The following LRRC1 variants were observed in gnomAD, a reference collection of about 807,000 sequenced individuals.
LRRC1 encodes the protein leucine rich repeat containing 1.
LRRC1 carries 28 observed loss-of-function variants against 69.9 expected under a neutral mutation model. The observed-to-expected ratio is 0.40, with a 90% CI of 0.30 to 0.55. The LOEUF is 0.55. Ranked by LOEUF, LRRC1 falls within the 20% of genes least tolerant of loss-of-function variation. The probability of loss-of-function intolerance (pLI) is 0.47; values close to 1 mark genes in which losing one functional copy is unlikely to be tolerated. For missense variants in LRRC1, 498 were observed against 609.0 expected, an observed-to-expected ratio of 0.82 and a Z score of 1.92; for synonymous variants, 236 against 240.2, an observed-to-expected ratio of 0.98 and a Z score of 0.16.
At chr6:53,831,193 T>A (rs1181064662) in intron 1 of LRRC1, among the ~76,000 whole-genome samples, 2 of 152,030 alleles carry the variant, frequency 1.3e-5, no homozygotes, top group African/African-American at 4.8e-5. Flanking sequence ...ATCATTGTAT[T>A]TCTGAATACC....
intron 2 of LRRC1, among the ~76,000 whole-genome samples, chr6:53,865,059 G>A (rs1455146914): frequency 6.6e-6 from 1 of 152,116 alleles, no homozygotes; most frequent in East Asian, 1.9e-4. Flanking sequence ...GCATCGGCCA[G>A]GATGAGCCAT....
chr6:53,882,354 A>G (rs6906326), intron 3 of LRRC1, among the ~76,000 whole-genome samples: 68,751 of 152,052 alleles, frequency 0.45, 15,828 homozygotes, highest in Middle Eastern at 0.53. Flanking sequence ...TCTCAAAAAG[A>G]AAGGAAAGTA....
chr6:53,871,739 C>T lies in LRRC1; in HGVS notation c.278-7254C>T, dbSNP rs996965926. On this transcript the variant is annotated intron_variant, in intron 2 of 13. Coordinates refer to ENST00000370888, the MANE Select transcript of LRRC1 (RefSeq NM_018214.5). ...CTTGGGTGCAGTATCGTGATCTCAG[C>T]TCACTGCAACCTCTGCCTCCCAGGT... 3.9e-5 allele frequency among the ~76,000 whole-genome samples: 6 copies of T among 152,298 alleles called. No homozygotes were observed. In the South Asian group the frequency reaches 8.3e-4, roughly 21 times the overall value.
At chr6:53,796,866 C>G (rs1764318898) in intron 1 of LRRC1, among the ~76,000 whole-genome samples, 1 of 152,128 alleles carries the variant, frequency 6.6e-6, no homozygotes, top group Admixed American at 6.6e-5. Context: ...AGATTTCTTA[C>G]CAGTCGTCAG....
chr6:53,813,915 A>G (rs1764874483), intron 1 of LRRC1, among the ~76,000 whole-genome samples: 1 of 152,190 alleles, frequency 6.6e-6, no homozygotes, highest in Non-Finnish European at 1.5e-5. Context: ...GGTAATCTGA[A>G]GCCTGTGGCT....
chr6:53,862,538 G>C (rs190081757), intron 2 of LRRC1, among the ~76,000 whole-genome samples: 11 of 152,220 alleles, frequency 7.2e-5, no homozygotes, highest in Admixed American at 7.2e-4. Context: ...GAGGTATAAG[G>C]GTTATTTTGG....
At chr6:53,856,747 T>C (rs61494410) in intron 2 of LRRC1, among the ~76,000 whole-genome samples, 1 of 149,498 alleles carries the variant, frequency 6.7e-6, no homozygotes, top group African/African-American at 2.6e-5. Flanking sequence ...CATGAAAGGG[T>C]TTCAGGCAGG....
intron 2 of LRRC1, among the ~76,000 whole-genome samples, chr6:53,849,058 A>G (rs911291910): frequency 1.7e-5 from 2 of 118,724 alleles, no homozygotes; most frequent in East Asian, 3.1e-4. Flanking sequence ...CGCCCGGCCT[A>G]TGCTTTTTTT....
At chr6:53,890,373 G>A (rs1398921492) in intron 4 of LRRC1, among the ~76,000 whole-genome samples, 1 of 152,092 alleles carries the variant, frequency 6.6e-6, no homozygotes, top group African/African-American at 2.4e-5. Flanking sequence ...AGAATGAGTA[G>A]GCCCTAGGTT....
intron 1 of LRRC1, among the ~76,000 whole-genome samples, chr6:53,802,944 G>C (rs1311891264): frequency 6.6e-6 from 1 of 152,160 alleles, no homozygotes; most frequent in African/African-American, 2.4e-5. Flanking sequence ...AGTTGACAAA[G>C]ATAGAGTCAT....
At chr6:53,842,655 G>T (rs1303139991) in intron 2 of LRRC1, among the ~76,000 whole-genome samples, 1 of 152,122 alleles carries the variant, frequency 6.6e-6, no homozygotes, top group South Asian at 2.1e-4. Context: ...CATGGTTTTT[G>T]TCCAGTGCTT....
rs139622831 is a variant in LRRC1, at chr6:53,869,789, C to T, written c.278-9204C>T. 2.0e-3 allele frequency among the ~76,000 whole-genome samples: 297 copies of T among 152,200 alleles called. 4 individuals carry two copies. In the East Asian group the frequency reaches 0.041, roughly 21 times the overall value. On this transcript the variant is annotated intron_variant, in intron 2 of 13. Transcript: ENST00000370888. ...TAACAGATCTTACAAAGGTGAAGCCCAAGGAACTTGAGAGCTGGAGAACCC... is the reference window on the plus strand; with the variant it reads ...TAACAGATCTTACAAAGGTGAAGCCTAAGGAACTTGAGAGCTGGAGAACCC...
intron 4 of LRRC1, among the ~76,000 whole-genome samples, chr6:53,887,547 A>T (rs1350679167): frequency 6.6e-6 from 1 of 151,816 alleles, no homozygotes; most frequent in East Asian, 1.9e-4. Flanking sequence ...AGCTTTACCC[A>T]TCCTGAGCTT....
At chr6:53,900,035 T>TGG (rs1562066458) in intron 8 of LRRC1, 144 bp downstream of exon 8, 1 of 607,988 alleles carries the variant, frequency 1.6e-6, no homozygotes, top group South Asian at 2.9e-5. Context: ...TTTTTTTTTT[T>TGG]TTTTTTTTTT....
At chr6:53,867,778 G>C (rs1419058723) in intron 2 of LRRC1, among the ~76,000 whole-genome samples, 2 of 151,904 alleles carry the variant, frequency 1.3e-5, no homozygotes, top group Non-Finnish European at 2.9e-5. Flanking sequence ...AAGATAGTGA[G>C]ACCCTGTCTC....
intron 1 of LRRC1, among the ~76,000 whole-genome samples, chr6:53,841,482 A>C (rs1765788044): frequency 1.3e-5 from 2 of 152,000 alleles, no homozygotes; most frequent in African/African-American, 2.4e-5. Context: ...TCATGGGCTT[A>C]TTTCACATTA....
chr6:53,892,011 T>TACACACACACACACAC (rs70980877), intron 4 of LRRC1, among the ~76,000 whole-genome samples: 1,617 of 135,266 alleles, frequency 0.012, 17 homozygotes, highest in South Asian at 0.029. Flanking sequence ...TATATATATA[T>TACACACACACACACAC]ACACACACAC....
At chr6:53,835,442 A>G (rs932783804) in intron 1 of LRRC1, among the ~76,000 whole-genome samples, 15 of 152,240 alleles carry the variant, frequency 9.9e-5, no homozygotes, top group Admixed American at 9.8e-4. Context: ...AGAGGACCAG[A>G]GAAGTTAAGT....
intron 3 of LRRC1, among the ~76,000 whole-genome samples, chr6:53,882,218 C>T (rs757501387): frequency 1.3e-5 from 2 of 152,056 alleles, no homozygotes; most frequent in African/African-American, 2.4e-5. Flanking sequence ...CGTGGTGGCG[C>T]GTGCCTGTAA....
Sources: gnomAD v4.1 joint callset for allele counts (sites outside exome capture counted in the v4.1 genomes callset) on GRCh38, gnomAD v4.1.1 for gene constraint, MANE v1.5 for transcripts, NCBI Gene and HGNC (gene_info 2026-07-23, HGNC 2026-07-21) for gene names.